CD163L1: variants seen among roughly 807,000 people sequenced by gnomAD.
CD163L1 encodes CD163 molecule like 1.
A neutral mutation model predicts 165.4 loss-of-function variants in CD163L1; 124 were observed. That is an observed-to-expected ratio of 0.75 (90% CI 0.65 to 0.87). CD163L1 has a LOEUF of 0.87. CD163L1 is among the 40% of genes least tolerant of loss of function. The pLI is 0.00. For synonymous variants in CD163L1, 585 were observed against 662.2 expected (o/e 0.88, Z 1.79); for missense variants, 1,525 against 1,799.9 (o/e 0.85, Z 2.76).
intron 8 of CD163L1, among the ~76,000 whole-genome samples, chr12:7,392,721 G>T (rs987646456): frequency 6.6e-6 from 1 of 151,978 alleles, no homozygotes; most frequent in Non-Finnish European, 1.5e-5. Flanking sequence ...AGATGCAATA[G>T]AAAATGACAA....
rs766925899 is a variant in CD163L1 at position 7,380,413 on chromosome 12, G to GTA, written c.2051-1117_2051-1116dup. Among the ~76,000 whole-genome samples the GTA allele has an allele frequency of 8.8e-3, 1,327 of 151,330 alleles. 15 individuals are homozygous for GTA. The highest frequency in any genetic ancestry group is 0.029 in the African/African-American group (1,207 of 41,144). The stretch of plus-strand genomic sequence containing the variant: ...TATGCGTATACACACATGTATGTGT[G>GTA]TATATATATACACATGATGGAATAC... On this transcript the variant is annotated intron_variant, in intron 8 of 19. Transcript: ENST00000313599.
In CD163L1 at chr12:7,369,747, C is replaced by T; in HGVS notation, c.3731-82G>A. The T allele has an allele frequency of 7.9e-7, 1 of 1,258,638 alleles. No homozygotes were observed. The highest frequency in any genetic ancestry group is 2.0e-5 in the Admixed American group (1 of 50,800). The allele number at this position is 1,258,638 out of a possible 1,614,324, so 78.0% of individuals were successfully genotyped here. On this transcript the variant is annotated intron_variant, in intron 14 of 19. Transcript: ENST00000313599. The surrounding 1 kb of genome is among the most constrained non-coding windows in gnomAD (Gnocchi z 4.9). ...CTGAGGTAGAAAAACTTGAAAGTAG[C>T]AAATGTGCTTGATGAATATGGGTGT... is the stretch of plus-strand genomic sequence containing the variant.
chr12:7,326,933 C>T, the CD163L1 span: 1 of 1,543,752 alleles, frequency 6.5e-7, no homozygotes, highest in Non-Finnish European at 8.7e-7. Flanking sequence ...CTTGATGTGT[C>T]TGAAAAACAA....
At chr12:7,357,627 A>T in intron 18 of CD163L1, 141 bp from the exon 19 acceptor site, 1 of 531,972 alleles carries the variant, frequency 1.9e-6, no homozygotes, top group African/African-American at 1.9e-5. Context: ...GAGCACGCTT[A>T]GTTATCGTTT....
At chr12:7,442,866 A>G (rs1409170695) in intron 1 of CD163L1, among the ~76,000 whole-genome samples, 1 of 152,236 alleles carries the variant, frequency 6.6e-6, no homozygotes, top group South Asian at 2.1e-4. Flanking sequence ...TGACACCAGC[A>G]CAATCAAGAT....
chr12:7,400,822 T>C lies in CD163L1; in HGVS notation c.1409-2238A>G, dbSNP rs1219948061. Among the ~76,000 whole-genome samples, 2 of 152,180 alleles carry C rather than the reference T, an allele frequency of 1.3e-5. No homozygotes were observed. The highest frequency in any genetic ancestry group is 2.9e-5 in the Non-Finnish European group (2 of 68,024). ...ATATATCTCAGTAGGTATTAGCCTA[T>C]AGAAAGCTACAGTAGTTAAAATGTG... is the stretch of plus-strand genomic sequence containing the variant. On this transcript the variant is annotated intron_variant, in intron 6 of 19. Transcript: ENST00000313599. This position sits in a 1 kb window ranked among gnomAD's most constrained non-coding sequence, Gnocchi z 4.1.
In CD163L1 at chr12:7,398,423, G is replaced by A. The variant is rs1413348651; in HGVS notation, c.1570C>T (p.His524Tyr). 8.7e-6 allele frequency: 14 copies of A among 1,613,968 alleles called. No individual in the cohort carries two copies. Among genetic ancestry groups the A allele is most frequent in the Admixed American group, 8.3e-5 (5 of 59,986 alleles). ...TTAAAATAGGTCATACCAAACACAT[G>A]CAAAGGCTTTCCACATCCCAATTGT... Reference protein sequence around the residue: ...CKQLGCGKPLHVFGMTYFKEA... With the variant: ...CKQLGCGKPLYVFGMTYFKEA... Residue 524 changes from histidine to tyrosine, a missense_variant, in exon 7 of 20, where the codon CAT (histidine) becomes TAT (tyrosine). Physicochemically the swap from His to Tyr is moderately conservative, Grantham distance 83 (BLOSUM62 2). Coordinates refer to ENST00000313599, the MANE Select transcript of CD163L1 (RefSeq NM_174941.6). The surrounding 1 kb of genome is among the most constrained non-coding windows in gnomAD (Gnocchi z 4.5).
intron 4 of CD163L1, 118 bp from the exon 5 acceptor site, chr12:7,406,970 T>C: frequency 2.2e-6 from 2 of 916,018 alleles, no homozygotes; most frequent in Non-Finnish European, 3.3e-6. Flanking sequence ...AATGAATGTC[T>C]AACTCTTGCT....
intron 6 of CD163L1, among the ~76,000 whole-genome samples, chr12:7,402,354 C>G (rs1312529087): frequency 6.6e-6 from 1 of 151,896 alleles, no homozygotes; most frequent in Non-Finnish European, 1.5e-5. Flanking sequence ...ATCTTTCCAT[C>G]CACATATAAG....
downstream of CD163L1, among the ~76,000 whole-genome samples, chr12:7,353,575 T>G (rs1946724087): frequency 1.3e-5 from 2 of 152,116 alleles, no homozygotes; most frequent in South Asian, 4.2e-4. Flanking sequence ...AATGTTGCAT[T>G]TAATGGAAGT....
At chr12:7,438,819 C>T (rs528424822) in intron 2 of CD163L1, 38 of 1,540,720 alleles carry the variant, frequency 2.5e-5, no homozygotes, top group African/African-American at 2.8e-5. Context: ...CTCTCTTCCC[C>T]GCTCAACCTC....
At chr12:7,416,662 T>TACTAAATG (rs1948248194) in intron 4 of CD163L1, among the ~76,000 whole-genome samples, 1 of 152,248 alleles carries the variant, frequency 6.6e-6, no homozygotes, top group African/African-American at 2.4e-5. Flanking sequence ...CAATGCCATT[T>TACTAAATG]ACTAAATGAG....
rs1405073815 is a variant in CD163L1, at chr12:7,379,298, T to G, written c.2051A>C (p.Asp684Ala). Residue 684 changes from aspartate (D) to alanine (A), a missense_variant and splice_region_variant, in exon 9 of 20, where the codon GAT becomes GCT. Asp to Ala is a moderately radical substitution (Grantham distance 126, BLOSUM62 -2). Coordinates refer to ENST00000313599, the MANE Select transcript of CD163L1 (RefSeq NM_174941.6). The stretch of plus-strand genomic sequence containing the variant: ...AAGCCTCAGCTCCATATCCGATGCA[T>G]CTGAAACCAAATACCACAATGATTT... ...HSEDVGVICS[D>A]ASDMELRLVG... 1.2e-6 allele frequency: 2 copies of G among 1,613,008 alleles called. No individual in the cohort carries two copies. The highest frequency in any genetic ancestry group is 1.7e-5 in the Admixed American group (1 of 59,952).
At position 7,403,583 on chromosome 12, in the gene CD163L1, C is replaced by G; in HGVS notation, c.1360G>C (p.Ala454Pro). The change falls in exon 6 of 20, where the codon GCA becomes CCA. Residue 454 changes from alanine (A) to proline (P), a missense_variant. Physicochemically the swap from Ala to Pro is conservative, Grantham distance 27. Coordinates refer to ENST00000313599, the MANE Select transcript of CD163L1 (RefSeq NM_174941.6). ...ALWDCTYDGK[A>P]KRTCFRRSDA... is the part of the protein sequence containing the mutation. The stretch of plus-strand genomic sequence containing the variant: ...GATCTTCGGAAGCATGTTCGCTTTG[C>G]TTTTCCATCATATGTGCAGTCCCAG... The G allele has an allele frequency of 6.2e-7, 1 of 1,613,894 alleles. No homozygotes were observed.
At chr12:7,320,769 T>C in the CD163L1 span, 1 of 1,613,766 alleles carries the variant, frequency 6.2e-7, no homozygotes, top group Non-Finnish European at 8.5e-7. Flanking sequence ...GTCCTCCCAC[T>C]GTGTACCGGA....
chr12:7,392,775 A>G (rs1382401755), intron 8 of CD163L1, among the ~76,000 whole-genome samples: 2 of 152,226 alleles, frequency 1.3e-5, no homozygotes, highest in Non-Finnish European at 2.9e-5. Flanking sequence ...AACTACCATC[A>G]GAGAACACTA....
In CD163L1 at chr12:7,432,794, A is replaced by G. The variant is rs1948652124; in HGVS notation, c.446-58T>C. 6 of 1,429,854 alleles carry G rather than the reference A, an allele frequency of 4.2e-6. No individual in the cohort carries two copies. Among genetic ancestry groups the G allele is most frequent in the Non-Finnish European group, 3.8e-6 (4 of 1,052,162 alleles). The allele number at this position is 1,429,854 out of a possible 1,614,324, so 88.6% of individuals were successfully genotyped here. A position where few individuals can be genotyped will look rare whatever the true frequency, so the allele number is the denominator to read the frequency against. ...TGATTCAACTTTGAGCCTGAAATAA[A>G]ATCAAAAGGATACGTAGAAGACAGC... On this transcript the variant is annotated intron_variant, in intron 3 of 19. Coordinates refer to ENST00000313599, the MANE Select transcript of CD163L1 (RefSeq NM_174941.6). The surrounding 1 kb of genome is among the most constrained non-coding windows in gnomAD (Gnocchi z 4.2).
intron 8 of CD163L1, among the ~76,000 whole-genome samples, chr12:7,390,594 G>A (rs1947632949): frequency 2.0e-5 from 3 of 152,230 alleles, no homozygotes; most frequent in East Asian, 1.9e-4. Flanking sequence ...TCTGAAGAAA[G>A]ATTGTGATAA....
chr12:7,346,353 C>G (rs754924752), downstream of CD163L1, among the ~76,000 whole-genome samples: 95 of 152,020 alleles, frequency 6.2e-4, 1 homozygote, highest in African/African-American at 1.5e-3. Context: ...TACTCTGATT[C>G]TCTAAAACAT....
Sources: gnomAD v4.1 joint callset for allele counts (sites outside exome capture counted in the v4.1 genomes callset) on GRCh38, gnomAD v4.1.1 for gene constraint, Gnocchi (gnomAD v3.1) non-coding constraint, MANE v1.5 for transcripts, NCBI Gene and HGNC (gene_info 2026-07-23, HGNC 2026-07-21) for gene names.